LRRC3B: variants seen among roughly 807,000 people sequenced by gnomAD.
LRRC3B encodes leucine rich repeat containing 3B, also known as leucine-rich repeat-containing protein 3B.
A neutral mutation model predicts 12.8 loss-of-function variants in LRRC3B; 2 were observed. That is an observed-to-expected ratio of 0.16 (90% confidence interval 0.06 to 0.49). The LOEUF (loss-of-function observed/expected upper bound fraction) is 0.49, where lower values mean the gene tolerates loss of function less well. LRRC3B is among the 20% of genes least tolerant of loss of function. LRRC3B has a pLI of 0.96. For synonymous variants in LRRC3B, 132 were observed against 122.0 expected (o/e 1.08, Z -0.54); for missense variants, 189 against 319.4 (o/e 0.59, Z 3.11).
At chr3:26,641,372 C>T (rs992394943) in intron 1 of LRRC3B, among the ~76,000 whole-genome samples, 1 of 152,164 alleles carries the variant, frequency 6.6e-6, no homozygotes, top group Non-Finnish European at 1.5e-5. Flanking sequence ...CTAACACTGC[C>T]AGTCAGGAGA....
intron 1 of LRRC3B, among the ~76,000 whole-genome samples, chr3:26,685,904 T>G (rs2125445381): frequency 6.6e-6 from 1 of 152,096 alleles, no homozygotes; most frequent in Non-Finnish European, 1.5e-5. Flanking sequence ...TATGACATCT[T>G]TTTCTGGTGG....
intron 1 of LRRC3B, among the ~76,000 whole-genome samples, chr3:26,666,046 A>G (rs1305686623): frequency 6.6e-6 from 1 of 152,222 alleles, no homozygotes; most frequent in Non-Finnish European, 1.5e-5. Context: ...AACATTGAGA[A>G]TGTGTTCTGT....
chr3:26,679,842 G>C (rs1699933885), intron 1 of LRRC3B, among the ~76,000 whole-genome samples: 1 of 152,140 alleles, frequency 6.6e-6, no homozygotes, highest in African/African-American at 2.4e-5. Flanking sequence ...GAAACTATCT[G>C]TTAAATGAGC....
At chr3:26,633,089 C>T (rs934910141) in intron 1 of LRRC3B, among the ~76,000 whole-genome samples, 1 of 152,162 alleles carries the variant, frequency 6.6e-6, no homozygotes, top group Admixed American at 6.5e-5. Context: ...CAACAGAAAG[C>T]GCTCTTTCAC....
Position 26,710,065 on chromosome 3 carries a change from T to C in LRRC3B, c.393T>C (p.Asn131=), listed in dbSNP as rs556984941. The change falls in exon 2 of 2, where the codon AAT becomes AAC. Residue 131 remains asparagine, a synonymous_variant. Coordinates refer to ENST00000396641, the Ensembl canonical transcript of LRRC3B. ...ATCGGATTCAAAGTGTGCACAAAAA[T>C]GCCTTCAATAACCTGAAGGCCAGGG... is the stretch of plus-strand genomic sequence containing the variant. 3.3e-5 allele frequency: 53 copies of C among 1,614,106 alleles called. No individual in the cohort carries two copies. In the South Asian group the frequency reaches 5.8e-4, roughly 18 times the overall value.
exon 2 of LRRC3B, chr3:26,709,627 T>C (rs756724903): frequency 5.1e-6 from 8 of 1,583,482 alleles, no homozygotes; most frequent in Non-Finnish European, 6.9e-6. Context: ...ACCACGCTTG[T>C]TGGAGTAGAT....
intron 1 of LRRC3B, among the ~76,000 whole-genome samples, chr3:26,637,985 T>C (rs915626613): frequency 6.6e-6 from 1 of 152,224 alleles, no homozygotes; most frequent in Non-Finnish European, 1.5e-5. Context: ...TTATGAAGAA[T>C]CAAAAATTCT....
intron 1 of LRRC3B, among the ~76,000 whole-genome samples, chr3:26,685,615 G>GTGTATATATATA (rs1395832034): frequency 1.4e-4 from 17 of 120,478 alleles, no homozygotes; most frequent in African/African-American, 5.8e-4. Context: ...ATGTGTGTGT[G>GTGTATATATATA]TATATATATA....
At chr3:26,625,398 G>A (rs61733270) in intron 1 of LRRC3B, 3,754 of 152,370 alleles carry the variant, frequency 0.025, 158 homozygotes, top group African/African-American at 0.084. Context: ...GGAGCAGAAC[G>A]GGGATTCCCT....
At chr3:26,626,201 T>C (rs1698622074) in intron 1 of LRRC3B, among the ~76,000 whole-genome samples, 2 of 152,208 alleles carry the variant, frequency 1.3e-5, no homozygotes, top group Non-Finnish European at 2.9e-5. Flanking sequence ...GGAATACTAG[T>C]AGAGGAAATC....
chr3:26,645,552 CTA>C (rs907567746), intron 1 of LRRC3B, among the ~76,000 whole-genome samples: 3 of 151,272 alleles, frequency 2.0e-5, no homozygotes, highest in African/African-American at 4.9e-5. Flanking sequence ...ATATCTATAT[CTA>C]TATATATATA....
chr3:26,706,858 A>ATGTT (rs1311953302), intron 1 of LRRC3B, among the ~76,000 whole-genome samples: 1 of 152,194 alleles, frequency 6.6e-6, no homozygotes, highest in Non-Finnish European at 1.5e-5. Flanking sequence ...GCCAATGTTT[A>ATGTT]TGTTTAAAAT....
chr3:26,638,695 GA>G (rs1698956674), intron 1 of LRRC3B, among the ~76,000 whole-genome samples: 1 of 152,236 alleles, frequency 6.6e-6, no homozygotes, highest in Non-Finnish European at 1.5e-5. Flanking sequence ...CCTTTGGAGA[GA>G]GATGCTGTTG....
chr3:26,666,050 GT>G (rs1203982089), intron 1 of LRRC3B, among the ~76,000 whole-genome samples: 2 of 152,176 alleles, frequency 1.3e-5, no homozygotes, highest in African/African-American at 4.8e-5. Flanking sequence ...TTGAGAATGT[GT>G]TCTGTGTAAA....
At chr3:26,667,574 G>C (rs1699632112) in intron 1 of LRRC3B, among the ~76,000 whole-genome samples, 2 of 152,158 alleles carry the variant, frequency 1.3e-5, no homozygotes, top group Non-Finnish European at 2.9e-5. Flanking sequence ...TTCTGACCTG[G>C]AAGGGCTGGT....
At chr3:26,661,581 C>G (rs1392897643) in intron 1 of LRRC3B, among the ~76,000 whole-genome samples, 1 of 152,164 alleles carries the variant, frequency 6.6e-6, no homozygotes, top group African/African-American at 2.4e-5. Context: ...ATTTTAATGG[C>G]TACATAACAT....
chr3:26,645,755 C>A (rs970149215), intron 1 of LRRC3B, among the ~76,000 whole-genome samples: 6 of 151,654 alleles, frequency 4.0e-5, no homozygotes, highest in Non-Finnish European at 7.4e-5. Flanking sequence ...TCAAAAATTG[C>A]AATCTTGTAA....
intron 1 of LRRC3B, among the ~76,000 whole-genome samples, chr3:26,634,902 A>T (rs1698833604): frequency 6.6e-6 from 1 of 151,538 alleles, no homozygotes; most frequent in Non-Finnish European, 1.5e-5. Context: ...CTTTGCAAAA[A>T]CTCCAGGCTA....
intron 1 of LRRC3B, among the ~76,000 whole-genome samples, chr3:26,681,541 G>A (rs1270658196): frequency 6.6e-6 from 1 of 152,144 alleles, no homozygotes; most frequent in Non-Finnish European, 1.5e-5. Context: ...AAGCTTCTCT[G>A]AGACTTGATT....
Sources: allele counts gnomAD v4.1 joint callset (sites outside exome capture counted in the v4.1 genomes callset), GRCh38; gene constraint gnomAD v4.1.1; transcripts MANE v1.5; gene names NCBI Gene and HGNC (gene_info 2026-07-23, HGNC 2026-07-21).